Variants in SOX5 observed in about 807,000 individuals in gnomAD.
The protein encoded by SOX5 is SRY-box transcription factor 5.
A neutral mutation model predicts 92.0 loss-of-function variants in SOX5; 9 were observed. The observed-to-expected ratio is 0.10, with a 90% CI of 0.06 to 0.17. SOX5 has a LOEUF of 0.17. SOX5 is among the 10% of genes least tolerant of loss of function. SOX5 has a pLI of 1.00. For missense variants in SOX5, 642 were observed against 944.5 expected, an observed-to-expected ratio of 0.68 and a Z score of 4.20; for synonymous variants, 344 against 336.3, an observed-to-expected ratio of 1.02 and a Z score of -0.25.
intron 2 of SOX5, among the ~76,000 whole-genome samples, chr12:24,298,146 C>G (rs1947506554): frequency 6.6e-6 from 1 of 152,170 alleles, no homozygotes; most frequent in South Asian, 2.1e-4. Context: ...AGTCTTGGCT[C>G]ATAGCAACCT....
At chr12:24,127,661 A>G (rs1020108837) in intron 4 of SOX5, among the ~76,000 whole-genome samples, 3 of 152,104 alleles carry the variant, frequency 2.0e-5, no homozygotes, top group Non-Finnish European at 4.4e-5. Flanking sequence ...AGGCATTTAC[A>G]TTTTTAAACC....
chr12:24,548,755 T>C (rs1335518465), intron 1 of SOX5, among the ~76,000 whole-genome samples: 2 of 152,234 alleles, frequency 1.3e-5, no homozygotes, highest in African/African-American at 4.8e-5. Context: ...CAAGCCACCA[T>C]GTTTCTCTTG....
chr12:24,389,063 G>C (rs1441560136), intron 1 of SOX5, among the ~76,000 whole-genome samples: 2 of 151,666 alleles, frequency 1.3e-5, no homozygotes, highest in East Asian at 3.9e-4. Flanking sequence ...CCATTAACTC[G>C]TCATTTAGCA....
intron 4 of SOX5, among the ~76,000 whole-genome samples, chr12:24,120,794 G>A (rs774555498): frequency 6.6e-6 from 1 of 152,180 alleles, no homozygotes; most frequent in South Asian, 2.1e-4. Context: ...GTTGTGTTTT[G>A]TTTAGTCTTG....
At chr12:23,847,134 G>T (rs2096584153) in intron 2 of SOX5, among the ~76,000 whole-genome samples, 1 of 151,962 alleles carries the variant, frequency 6.6e-6, no homozygotes, top group African/African-American at 2.4e-5. Context: ...AAATGATAAA[G>T]AAAAATTAAT....
intron 3 of SOX5, among the ~76,000 whole-genome samples, chr12:24,275,475 G>T (rs970974297): frequency 1.3e-5 from 2 of 151,734 alleles, no homozygotes; most frequent in African/African-American, 2.4e-5. Flanking sequence ...CTTTAGAAAA[G>T]AATTTTAAAT....
chr12:23,558,855 A>G (rs1471195492), intron 11 of SOX5, among the ~76,000 whole-genome samples: 1 of 152,154 alleles, frequency 6.6e-6, no homozygotes, highest in African/African-American at 2.4e-5. Context: ...CGCCTGCCTC[A>G]GCCTCCCAAA....
chr12:23,800,423 T>G (rs956195556), intron 3 of SOX5, among the ~76,000 whole-genome samples: 1 of 152,114 alleles, frequency 6.6e-6, no homozygotes, highest in African/African-American at 2.4e-5. Flanking sequence ...CACTGTCAGA[T>G]AGATGAACCA....
At chr12:23,697,337 A>G (rs1463636663) in intron 6 of SOX5, among the ~76,000 whole-genome samples, 1 of 152,194 alleles carries the variant, frequency 6.6e-6, no homozygotes, top group Non-Finnish European at 1.5e-5. Context: ...CCTTGATAAT[A>G]TTCCTAGCTC....
At chr12:23,797,757 A>G (rs2095590724) in intron 3 of SOX5, among the ~76,000 whole-genome samples, 1 of 152,078 alleles carries the variant, frequency 6.6e-6, no homozygotes. Context: ...AGCTTCCAAT[A>G]GCTTTCACTT....
intron 3 of SOX5, among the ~76,000 whole-genome samples, chr12:23,774,961 C>T (rs896463664): frequency 1.8e-4 from 27 of 152,234 alleles, no homozygotes; most frequent in African/African-American, 6.5e-4. Flanking sequence ...CAAAATTCAA[C>T]TACTTATCTC....
At chr12:24,273,883 T>C (rs926513501) in intron 3 of SOX5, among the ~76,000 whole-genome samples, 8 of 152,218 alleles carry the variant, frequency 5.3e-5, no homozygotes, top group African/African-American at 1.2e-4. Context: ...ATATCTATTA[T>C]TGTTTAGTCT....
intron 4 of SOX5, among the ~76,000 whole-genome samples, chr12:24,121,416 T>C (rs1948599435): frequency 6.6e-6 from 1 of 152,058 alleles, no homozygotes; most frequent in African/African-American, 2.4e-5. Context: ...AAAGAGCCCC[T>C]ATGAGAGCAA....
intron 2 of SOX5, among the ~76,000 whole-genome samples, chr12:24,352,686 C>T (rs1032194046): frequency 6.6e-6 from 1 of 152,188 alleles, no homozygotes. Context: ...CTTCTGTCCT[C>T]TTATTACATA....
chr12:23,837,262 TA>T (rs1160026514), intron 3 of SOX5, among the ~76,000 whole-genome samples: 9 of 112,508 alleles, frequency 8.0e-5, no homozygotes, highest in African/African-American at 2.3e-4. Flanking sequence ...TATATTTATA[TA>T]ATATATAATA....
chr12:24,415,933 C>T (rs1239904738), intron 1 of SOX5, among the ~76,000 whole-genome samples: 1 of 152,174 alleles, frequency 6.6e-6, no homozygotes, highest in Non-Finnish European at 1.5e-5. Flanking sequence ...AACAACAAAA[C>T]ACAGGTTGTG....
intron 1 of SOX5, among the ~76,000 whole-genome samples, chr12:24,508,503 C>A (rs1354691864): frequency 2.0e-5 from 3 of 152,018 alleles, no homozygotes; most frequent in Admixed American, 2.0e-4. Flanking sequence ...GGATAAAGTC[C>A]ATGTTAAGCA....
chr12:24,557,632 CAAA>C (rs1427077860), intron 1 of SOX5, among the ~76,000 whole-genome samples: 4 of 152,188 alleles, frequency 2.6e-5, no homozygotes, highest in East Asian at 1.9e-4. Context: ...AACTGCGTAT[CAAA>C]CTAAAGTCCG....
At chr12:24,162,794 C>T (rs1952911015) in intron 4 of SOX5, among the ~76,000 whole-genome samples, 2 of 152,086 alleles carry the variant, frequency 1.3e-5, no homozygotes, top group Non-Finnish European at 2.9e-5. Flanking sequence ...TAACAACAAA[C>T]ATACCTGAAG....
Sources: gnomAD v4.1 joint callset for allele counts (sites outside exome capture counted in the v4.1 genomes callset) on GRCh38, gnomAD v4.1.1 for gene constraint, MANE v1.5 for transcripts, NCBI Gene and HGNC (gene_info 2026-07-23, HGNC 2026-07-21) for gene names.